GABBR2: variants seen among roughly 807,000 people sequenced by gnomAD.
The protein encoded by GABBR2 is G-protein coupled receptor 51.
GABBR2 carries 23 observed loss-of-function variants against 105.6 expected under a neutral mutation model. The observed-to-expected ratio is 0.22, with a 90% CI of 0.16 to 0.31. The LOEUF (loss-of-function observed/expected upper bound fraction) is 0.31, where lower values mean the gene tolerates loss of function less well. GABBR2 is among the 10% of genes least tolerant of loss of function. The pLI, the probability that GABBR2 is intolerant of heterozygous loss-of-function variation, is 1.00. For synonymous variants in GABBR2, 478 were observed against 499.7 expected (o/e 0.96, Z 0.58); for missense variants, 734 against 1,245.5 (o/e 0.59, Z 6.18).
chr9:98,385,833 G>C (rs1189165664), intron 10 of GABBR2, 61 bp from the exon 11 acceptor site: 1 of 1,391,224 alleles, frequency 7.2e-7, no homozygotes, highest in Non-Finnish European at 1.0e-6. Flanking sequence ...TCCTTCAACA[G>C]GTATTTTCTA....
chr9:98,344,452 G>C (rs141030516), intron 13 of GABBR2, among the ~76,000 whole-genome samples: 1 of 152,336 alleles, frequency 6.6e-6, no homozygotes, highest in African/African-American at 2.4e-5. Context: ...CTCTAAAGAA[G>C]AGGAAAGGCT....
At chr9:98,607,171 C>T in intron 1 of GABBR2, 5 of 1,609,446 alleles carry the variant, frequency 3.1e-6, no homozygotes, top group Non-Finnish European at 4.2e-6. Context: ...TAGTTGATAC[C>T]CCAGGATTTG....
At chr9:98,366,509 T>C (rs768741785) in intron 12 of GABBR2, among the ~76,000 whole-genome samples, 10 of 152,236 alleles carry the variant, frequency 6.6e-5, no homozygotes, top group Non-Finnish European at 1.3e-4. Context: ...AAGTCTTACC[T>C]ATTGACTCTC....
chr9:98,549,839 C>T (rs1335246549), intron 2 of GABBR2, among the ~76,000 whole-genome samples: 8 of 152,220 alleles, frequency 5.3e-5, no homozygotes, highest in Non-Finnish European at 1.0e-4. Context: ...GACCTGAGTG[C>T]TTCTGATAAT....
chr9:98,510,955 C>T (rs11787931), intron 3 of GABBR2, among the ~76,000 whole-genome samples: 1 of 151,774 alleles, frequency 6.6e-6, no homozygotes, highest in African/African-American at 2.4e-5. Context: ...AATATACATT[C>T]TTTTCAGCAC....
chr9:98,422,815 T>C lies in GABBR2; in HGVS notation c.1237-16674A>G, dbSNP rs976015295. Among the ~76,000 whole-genome samples the C allele has an allele frequency of 5.1e-5, 7 of 137,564 alleles. No individual in the cohort carries two copies. In the East Asian group the frequency reaches 7.1e-4, roughly 14 times the overall value. The allele number at this position is 137,564 out of a possible 152,430, so 90.2% of individuals were successfully genotyped here. On this transcript the variant is annotated intron_variant, in intron 7 of 18. Transcript: ENST00000259455. Reference sequence around the variant, plus strand: ...TGTGATGTTCCCCTTCCTGTGTCCATGTGTTCTCACTGTTCAATTCCCATC... The same window carrying C: ...TGTGATGTTCCCCTTCCTGTGTCCACGTGTTCTCACTGTTCAATTCCCATC...
chr9:98,601,503 C>T (rs1043347994), intron 1 of GABBR2, among the ~76,000 whole-genome samples: 4 of 152,108 alleles, frequency 2.6e-5, no homozygotes, highest in Non-Finnish European at 5.9e-5. Flanking sequence ...GAGGATGAAG[C>T]GAGACCCTGT....
chr9:98,332,562 CT>C (rs1831046749), intron 13 of GABBR2, among the ~76,000 whole-genome samples: 1 of 152,326 alleles, frequency 6.6e-6, no homozygotes, highest in East Asian at 1.9e-4. Flanking sequence ...GGTCCAAAAC[CT>C]TGTATCATTG....
chr9:98,596,972 T>G (rs1425475516), intron 1 of GABBR2, among the ~76,000 whole-genome samples: 1 of 152,124 alleles, frequency 6.6e-6, no homozygotes, highest in African/African-American at 2.4e-5. Context: ...AAGCTTTGCA[T>G]GAAACCCCAG....
At chr9:98,612,366 G>T (rs912314521) in intron 1 of GABBR2, among the ~76,000 whole-genome samples, 3 of 152,174 alleles carry the variant, frequency 2.0e-5, no homozygotes, top group Non-Finnish European at 4.4e-5. Context: ...AAACGTGGCC[G>T]GTCAGCCAGC....
chr9:98,621,007 GA>G (rs869181660), intron 1 of GABBR2, among the ~76,000 whole-genome samples: 217 of 151,726 alleles, frequency 1.4e-3, no homozygotes, highest in African/African-American at 4.2e-3. Flanking sequence ...CTCAGTGGGG[GA>G]AAAAAAAGCT....
intron 13 of GABBR2, among the ~76,000 whole-genome samples, chr9:98,324,529 C>T (rs906894301): frequency 1.3e-3 from 142 of 108,014 alleles, no homozygotes; most frequent in Non-Finnish European, 2.2e-3. Flanking sequence ...CACACACACA[C>T]ACACACACAC....
At chr9:98,332,617 G>C (rs1831047565) in intron 13 of GABBR2, among the ~76,000 whole-genome samples, 1 of 152,224 alleles carries the variant, frequency 6.6e-6, no homozygotes, top group Non-Finnish European at 1.5e-5. Flanking sequence ...CACAGTGCAG[G>C]GGCCTGGGCT....
At chr9:98,468,771 G>A (rs890529109) in intron 6 of GABBR2, among the ~76,000 whole-genome samples, 6 of 152,040 alleles carry the variant, frequency 3.9e-5, no homozygotes, top group South Asian at 2.1e-4. Context: ...TGGTGTGAAC[G>A]CAGGATCCAC....
intron 13 of GABBR2, among the ~76,000 whole-genome samples, chr9:98,323,734 G>C (rs993690823): frequency 6.6e-6 from 1 of 152,208 alleles, no homozygotes; most frequent in Non-Finnish European, 1.5e-5. Flanking sequence ...CCGTGCAGAG[G>C]CTGTGTCTCT....
At chr9:98,299,737 A>G (rs1445197166) in intron 16 of GABBR2, among the ~76,000 whole-genome samples, 1 of 152,144 alleles carries the variant, frequency 6.6e-6, no homozygotes, top group Non-Finnish European at 1.5e-5. Flanking sequence ...ACCCAGTCTC[A>G]ATTTCTTTTT....
intron 2 of GABBR2, among the ~76,000 whole-genome samples, chr9:98,561,630 C>A (rs1168571616): frequency 1.3e-5 from 2 of 152,122 alleles, no homozygotes; most frequent in East Asian, 3.9e-4. Context: ...ACCTATAACC[C>A]CAGCACTTCG....
chr9:98,651,145 T>TG (rs201578541), intron 1 of GABBR2, among the ~76,000 whole-genome samples: 2,384 of 144,220 alleles, frequency 0.017, 82 homozygotes, highest in African/African-American at 0.051. Flanking sequence ...ACTGGTTTTT[T>TG]TTTTTTTTTT....
At chr9:98,361,799 T>G (rs185002262) in intron 13 of GABBR2, among the ~76,000 whole-genome samples, 1 of 152,330 alleles carries the variant, frequency 6.6e-6, no homozygotes, top group Admixed American at 6.5e-5. Flanking sequence ...TCTCTGCTGC[T>G]GCTCTGAATG....
Sources: allele counts gnomAD v4.1 joint callset (sites outside exome capture counted in the v4.1 genomes callset), GRCh38; gene constraint gnomAD v4.1.1; transcripts MANE v1.5; gene names NCBI Gene and HGNC (gene_info 2026-07-23, HGNC 2026-07-21).